The following BATF2 variants were observed in gnomAD, a reference collection of about 807,000 sequenced individuals.
BATF2 encodes basic leucine zipper transcriptional factor ATF-like 2.
A neutral mutation model predicts 7.3 loss-of-function variants in BATF2; 4 were observed. That is an observed-to-expected ratio of 0.55 (90% CI 0.27 to 1.26). The LOEUF (loss-of-function observed/expected upper bound fraction) is 1.26. Ranked by LOEUF, BATF2 falls within the 50% of genes most tolerant of loss-of-function variation. The pLI is 0.11. For synonymous variants in BATF2, 152 were observed against 153.9 expected (o/e 0.99, Z 0.09); for missense variants, 295 against 340.5 (o/e 0.87, Z 1.05).
rs1466387808 is a variant in BATF2, at chr11:64,989,226, G to A, written c.728C>T (p.Ala243Val). The change falls in exon 3 of 3, where the codon GCT becomes GTT. Residue 243 changes from alanine to valine, a missense_variant. By Grantham distance (64) the Ala-to-Val change is moderately conservative. Coordinates refer to ENST00000301887, the MANE Select transcript of BATF2 (RefSeq NM_138456.4). The surrounding 1 kb of genome is among the most constrained non-coding windows in gnomAD (Gnocchi z 4.3). ...CCCTTGCCAAGTGGCTGCTGAGAGA[G>A]CAGGTTTGTGCTCCCTGCTCTGCAG... The part of the protein sequence containing the change: ...ARLQSREHKP[A>V]LSAATWQGLV... 2 of 1,614,018 alleles carry A rather than the reference G, an allele frequency of 1.2e-6. No individual in the cohort carries two copies. The highest frequency in any genetic ancestry group is 1.7e-6 in the Non-Finnish European group (2 of 1,179,946).
In BATF2 at chr11:64,989,148, G is replaced by C. The variant is rs1259683943; in HGVS notation, c.806C>G (p.Ser269Cys). Residue 269 changes from serine (S) to cysteine (C), a missense_variant, in exon 3 of 3, where the codon TCT becomes TGT. By Grantham distance (112) the Ser-to-Cys change is moderately radical. Coordinates refer to ENST00000301887, the MANE Select transcript of BATF2 (RefSeq NM_138456.4). The surrounding 1 kb of genome is among the most constrained non-coding windows in gnomAD (Gnocchi z 4.3). Reference sequence around the variant, plus strand: ...ACCAGGTTAGAAGTGGACTTGAGCAGAGGAGAGCAGAGGAAAGGCCAGGAG... The same window carrying C: ...ACCAGGTTAGAAGTGGACTTGAGCACAGGAGAGCAGAGGAAAGGCCAGGAG... ...HPLLAFPLLS[S>C]AQVHF 1.2e-6 allele frequency: 2 copies of C among 1,614,204 alleles called. No individual in the cohort carries two copies. The highest frequency in any genetic ancestry group is 2.2e-5 in the East Asian group (1 of 44,880).
rs1326951885 is a variant in BATF2, at chr11:64,989,726, G to T, written c.228C>A (p.Thr76=). 1.2e-6 allele frequency: 2 copies of T among 1,614,014 alleles called. No individual in the cohort carries two copies. Among genetic ancestry groups the T allele is most frequent in the South Asian group, 2.2e-5 (2 of 91,082 alleles). Residue 76 remains threonine (T), a synonymous_variant, in exon 3 of 3, where the codon ACC becomes ACA. Coordinates refer to ENST00000301887, the MANE Select transcript of BATF2 (RefSeq NM_138456.4). This position sits in a 1 kb window ranked among gnomAD's most constrained non-coding sequence, Gnocchi z 4.3. ...GGCACAGGCGCTCATGCACGTGCAG[G>T]GTCCGGCTCCACCACGCCAGCTCGG... ...LQAELAWWSR[T]LHVHERLCPM... is the part of the protein sequence containing the mutation.
At chr11:64,993,461 G>A (rs1946090789) in intron 2 of BATF2, among the ~76,000 whole-genome samples, 1 of 152,190 alleles carries the variant, frequency 6.6e-6, no homozygotes, top group African/African-American at 2.4e-5. Context: ...CAGCGAGAAG[G>A]CAGCCACTTA....
At position 64,989,421 on chromosome 11, in the gene BATF2, G is replaced by T. The variant is rs551804003; in HGVS notation, c.533C>A (p.Ala178Asp). Reference sequence around the variant, plus strand: ...CTGCAGGCTGGAACCAGTGTGCGAGGCAAACAGGAGAGGGCTGGGGGACAG... The same window carrying T: ...CTGCAGGCTGGAACCAGTGTGCGAGTCAAACAGGAGAGGGCTGGGGGACAG... ...VQLSPSPLLF[A>D]SHTGSSLQGS... The change falls in exon 3 of 3, where the codon GCC becomes GAC. Residue 178 changes from alanine (A) to aspartate (D), a missense_variant. Transcript: ENST00000301887. The surrounding 1 kb of genome is among the most constrained non-coding windows in gnomAD (Gnocchi z 4.3). 11 of 1,600,954 alleles carry T rather than the reference G, an allele frequency of 6.9e-6. No individual in the cohort carries two copies. The East Asian group carries it at 1.8e-4, about 26-fold the overall frequency.
chr11:64,995,394 C>T (rs1946103404), intron 1 of BATF2, among the ~76,000 whole-genome samples: 1 of 152,208 alleles, frequency 6.6e-6, no homozygotes, highest in African/African-American at 2.4e-5. Context: ...CAGATATTCA[C>T]TTACTCAACA....
chr11:64,989,989 C>T lies in BATF2; in HGVS notation c.142-177G>A. On this transcript the variant is annotated intron_variant, in intron 2 of 2. Coordinates refer to ENST00000301887, the MANE Select transcript of BATF2 (RefSeq NM_138456.4). This position sits in a 1 kb window ranked among gnomAD's most constrained non-coding sequence, Gnocchi z 4.3. ...AGCCCTTCATAACCACCTACCAAGT[C>T]TCCCCTGTCCCACCCTCTGAAGGGG... 1.3e-6 allele frequency: 2 copies of T among 1,511,014 alleles called. No homozygotes were observed. Among genetic ancestry groups the T allele is most frequent in the Non-Finnish European group, 1.8e-6 (2 of 1,114,780 alleles). The allele number at this position is 1,511,014 out of a possible 1,614,324, so 93.6% of individuals were successfully genotyped here. A position where few individuals can be genotyped will look rare whatever the true frequency, so the allele number is the denominator to read the frequency against.
chr11:64,989,495 C>A lies in BATF2; in HGVS notation c.459G>T (p.Leu153=). ...CAGCGGGGCCAAGGGACAGTGAGGG[C>A]AGGGGGCACTGGAGGAGGCTGGGAG... ...HDSPSLLQCP[L]PSLSLGPAVV... is the part of the protein sequence containing the mutation. The change falls in exon 3 of 3, where the codon CTG becomes CTT. Residue 153 remains leucine, a synonymous_variant. Transcript: ENST00000301887. This position sits in a 1 kb window ranked among gnomAD's most constrained non-coding sequence, Gnocchi z 4.3. 2 of 1,607,476 alleles carry A rather than the reference C, an allele frequency of 1.2e-6. No homozygotes were observed. Among genetic ancestry groups the A allele is most frequent in the Non-Finnish European group, 1.7e-6 (2 of 1,176,914 alleles).
chr11:64,990,527 T>C, intron 2 of BATF2: 1 of 1,122,790 alleles, frequency 8.9e-7, no homozygotes, highest in Non-Finnish European at 1.1e-6. Flanking sequence ...GTGTGTTCGA[T>C]TCTGCATCCC....
At chr11:64,993,130 C>T (rs1436576822) in intron 2 of BATF2, among the ~76,000 whole-genome samples, 2 of 152,140 alleles carry the variant, frequency 1.3e-5, no homozygotes, top group Non-Finnish European at 2.9e-5. Context: ...GAGGCTGAGG[C>T]GGGCAGATCA....
chr11:64,991,923 A>T (rs561315425), intron 2 of BATF2, among the ~76,000 whole-genome samples: 1 of 152,236 alleles, frequency 6.6e-6, no homozygotes, highest in African/African-American at 2.4e-5. Flanking sequence ...GCTGCTCCCC[A>T]CGCCTGTGCC....
Position 64,989,851 on chromosome 11 carries a change from C to T in BATF2, c.142-39G>A. ...GATGGGCGGGGAGGGGAACCTCAGC[C>T]AGTGTCAGGGGCCCCGCATGAGCCT... On this transcript the variant is annotated intron_variant, in intron 2 of 2. Coordinates refer to ENST00000301887, the MANE Select transcript of BATF2 (RefSeq NM_138456.4). This position sits in a 1 kb window ranked among gnomAD's most constrained non-coding sequence, Gnocchi z 4.3. 1 of 1,608,270 alleles carries T rather than the reference C, an allele frequency of 6.2e-7. No individual in the cohort carries two copies. The highest frequency in any genetic ancestry group is 8.5e-7 in the Non-Finnish European group (1 of 1,177,070).
chr11:64,996,532 C>T (rs902610283), intron 1 of BATF2, among the ~76,000 whole-genome samples: 1 of 152,224 alleles, frequency 6.6e-6, no homozygotes, highest in African/African-American at 2.4e-5. Flanking sequence ...GCTGGGATTA[C>T]AGGCATGAGC....
At chr11:64,990,953 G>A (rs1946071293) in intron 2 of BATF2, among the ~76,000 whole-genome samples, 1 of 151,454 alleles carries the variant, frequency 6.6e-6, no homozygotes, top group Non-Finnish European at 1.5e-5. Context: ...ACCACGCCTG[G>A]CTAATATTTT....
At chr11:64,993,763 C>T (rs1388554035) in intron 2 of BATF2, among the ~76,000 whole-genome samples, 1 of 152,052 alleles carries the variant, frequency 6.6e-6, no homozygotes, top group Non-Finnish European at 1.5e-5. Context: ...GCCCACCTGG[C>T]CTCATGAGGT....
intron 2 of BATF2, among the ~76,000 whole-genome samples, chr11:64,993,715 C>T (rs777965142): frequency 6.6e-6 from 1 of 152,168 alleles, no homozygotes; most frequent in African/African-American, 2.4e-5. Flanking sequence ...ATTCTGACCC[C>T]CAGGTGATTA....
Position 64,989,177 on chromosome 11 carries a change from G to A in BATF2, c.777C>T (p.His259=), listed in dbSNP as rs1159495820. ...AGAGCAGAGGAAAGGCCAGGAGAGGGTGAGGGCTGGGATCCACAACCAGCC... is the reference window on the plus strand; with the variant it reads ...AGAGCAGAGGAAAGGCCAGGAGAGGATGAGGGCTGGGATCCACAACCAGCC... ...WQGLVVDPSP[H]PLLAFPLLSS... The change falls in exon 3 of 3, where the codon CAC becomes CAT. Residue 259 remains histidine, a synonymous_variant. Transcript: ENST00000301887. The surrounding 1 kb of genome is among the most constrained non-coding windows in gnomAD (Gnocchi z 4.3). The A allele has an allele frequency of 6.2e-7, 1 of 1,614,190 alleles. No homozygotes were observed. The highest frequency in any genetic ancestry group is 1.3e-5 in the African/African-American group (1 of 75,050).
intron 2 of BATF2, among the ~76,000 whole-genome samples, chr11:64,994,168 T>C (rs1445133406): frequency 6.6e-6 from 1 of 152,182 alleles, no homozygotes; most frequent in African/African-American, 2.4e-5. Context: ...CTCCACTTCC[T>C]GTCTTCCTTC....
rs777853701 is a variant in BATF2 at position 64,989,593 on chromosome 11, G to A, written c.361C>T (p.Leu121=). The change falls in exon 3 of 3, where the codon CTG becomes TTG. Residue 121 remains leucine (L), a synonymous_variant. Transcript: ENST00000301887. This position sits in a 1 kb window ranked among gnomAD's most constrained non-coding sequence, Gnocchi z 4.3. The part of the protein sequence containing the change: ...PQGQHGCREQ[L]ELFQTPGSCY... ...GAACCCGGGGTCTGGAACAGCTCCAGCTGCTCCCGGCAGCCATGTTGTCCC... is the reference window on the plus strand; with the variant it reads ...GAACCCGGGGTCTGGAACAGCTCCAACTGCTCCCGGCAGCCATGTTGTCCC... 2.5e-6 allele frequency: 4 copies of A among 1,601,144 alleles called. No homozygotes were observed. Among genetic ancestry groups the A allele is most frequent in the Admixed American group, 1.7e-5 (1 of 57,182 alleles).
At position 64,989,412 on chromosome 11, in the gene BATF2, G is replaced by T; in HGVS notation, c.542C>A (p.Thr181Asn). The change falls in exon 3 of 3, where the codon ACT (threonine) becomes AAT (asparagine). Residue 181 changes from threonine (T) to asparagine (N), a missense_variant. Transcript: ENST00000301887. This position sits in a 1 kb window ranked among gnomAD's most constrained non-coding sequence, Gnocchi z 4.3. ...GGAAGACCCCTGCAGGCTGGAACCA[G>T]TGTGCGAGGCAAACAGGAGAGGGCT... is the stretch of plus-strand genomic sequence containing the variant. The part of the protein sequence containing the change: ...SPSPLLFASH[T>N]GSSLQGSSSK... 6.3e-7 allele frequency: 1 copy of T among 1,596,138 alleles called. No individual in the cohort carries two copies. The highest frequency in any genetic ancestry group is 8.5e-7 in the Non-Finnish European group (1 of 1,170,358).
Sources: allele counts gnomAD v4.1 joint callset (sites outside exome capture counted in the v4.1 genomes callset), GRCh38; gene constraint gnomAD v4.1.1; non-coding constraint Gnocchi (gnomAD v3.1); transcripts MANE v1.5; gene names NCBI Gene and HGNC (gene_info 2026-07-23, HGNC 2026-07-21).